SMC2: variants seen among roughly 807,000 people sequenced by gnomAD.
The protein encoded by SMC2 is structural maintenance of chromosomes protein 2.
Under a neutral mutation model 142.6 loss-of-function variants are expected in SMC2, and 41 were observed. That is an observed-to-expected ratio of 0.29 (90% CI 0.22 to 0.37). The LOEUF is 0.37. Among genes scored for constraint, SMC2 ranks in the 10% least tolerant of loss-of-function variants. SMC2 has a pLI of 1.00. For synonymous variants in SMC2, 463 were observed against 457.5 expected (o/e 1.01, Z -0.15); for missense variants, 1,265 against 1,373.7 (o/e 0.92, Z 1.25).
intron 20 of SMC2, among the ~76,000 whole-genome samples, chr9:104,128,360 C>A (rs1368602970): frequency 6.6e-6 from 1 of 152,142 alleles, no homozygotes; most frequent in East Asian, 1.9e-4. Flanking sequence ...TGAAATACTA[C>A]CAATGGCAAT....
intron 3 of SMC2, among the ~76,000 whole-genome samples, chr9:104,096,669 T>G (rs549682105): frequency 3.0e-4 from 45 of 152,364 alleles, no homozygotes; most frequent in African/African-American, 1.1e-3. Context: ...CTATAAGTTT[T>G]GTCAGAGTCT....
Position 104,102,564 on chromosome 9 carries a change from T to C in SMC2, c.1011T>C (p.Asn337=). The C allele has an allele frequency of 6.2e-7, 1 of 1,612,816 alleles. No homozygotes were observed. The highest frequency in any genetic ancestry group is 8.5e-7 in the Non-Finnish European group (1 of 1,179,444). The change falls in exon 9 of 25, where the codon AAT becomes AAC. Residue 337 remains asparagine (N), a synonymous_variant. Transcript: ENST00000374793. ...EESKRKELEK[N]MVEDSKTLAA... ...GCAAACGCAAAGAGCTGGAAAAAAATATGGTTGAGGTAAGTGAGCTTAATG... is the reference window on the plus strand; with the variant it reads ...GCAAACGCAAAGAGCTGGAAAAAAACATGGTTGAGGTAAGTGAGCTTAATG...
At chr9:104,110,733 T>C (rs1832341475) in intron 9 of SMC2, among the ~76,000 whole-genome samples, 1 of 152,208 alleles carries the variant, frequency 6.6e-6, no homozygotes, top group South Asian at 2.1e-4. Flanking sequence ...CCTCAGGGCT[T>C]TCAAGTATAC....
chr9:104,105,309 A>T (rs146959397), intron 9 of SMC2, among the ~76,000 whole-genome samples: 63 of 152,228 alleles, frequency 4.1e-4, no homozygotes, highest in African/African-American at 1.4e-3. Context: ...AGCATGCCCA[A>T]CGTACAGGAT....
chr9:104,132,568 CAT>C (rs1426196482), intron 22 of SMC2, among the ~76,000 whole-genome samples: 2 of 152,122 alleles, frequency 1.3e-5, no homozygotes, highest in Non-Finnish European at 2.9e-5. Context: ...AGATTCCAAA[CAT>C]AGAGTTACTG....
intron 8 of SMC2, 43 bp downstream of exon 8, chr9:104,102,236 A>T (rs965056453): frequency 8.1e-7 from 1 of 1,232,014 alleles, no homozygotes; most frequent in Non-Finnish European, 1.1e-6. Context: ...CTCTGTGAAA[A>T]ACGTACTAAA....
chr9:104,111,604 G>A lies in SMC2; in HGVS notation c.1044G>A (p.Lys348=). The part of the protein sequence containing the change: ...MVEDSKTLAA[K]EKEVKKITDG... ...AGGACTCAAAAACTTTAGCAGCAAA[G>A]GAAAAAGAGGTTAAAAAGATAACAG... Residue 348 remains lysine, a synonymous_variant, in exon 10 of 25, where the codon AAG becomes AAA. Transcript: ENST00000374793. 6.2e-7 allele frequency: 1 copy of A among 1,613,172 alleles called. No individual in the cohort carries two copies. The highest frequency in any genetic ancestry group is 8.5e-7 in the Non-Finnish European group (1 of 1,179,624).
At chr9:104,103,464 T>C (rs1831393354) in intron 9 of SMC2, among the ~76,000 whole-genome samples, 2 of 152,184 alleles carry the variant, frequency 1.3e-5, no homozygotes, top group Non-Finnish European at 2.9e-5. Context: ...ACAGAAAAGA[T>C]CCAGTAGAAA....
At chr9:104,132,188 TA>T (rs1391392073) in intron 22 of SMC2, 63 bp downstream of exon 22, 1 of 841,854 alleles carries the variant, frequency 1.2e-6, no homozygotes, top group African/African-American at 1.7e-5. Context: ...AGTGGAGTTA[TA>T]CTCTATAAGA....
chr9:104,134,458 G>A lies in SMC2; in HGVS notation c.3152G>A (p.Gly1051Asp). 3.1e-6 allele frequency: 5 copies of A among 1,612,066 alleles called. No individual in the cohort carries two copies. Among genetic ancestry groups the A allele is most frequent in the Non-Finnish European group, 4.2e-6 (5 of 1,178,968 alleles). The change falls in exon 23 of 25, where the codon GGT becomes GAT. Residue 1051 changes from glycine (G) to aspartate (D), a missense_variant. Transcript: ENST00000374793. ...FGSIFSTLLP[G>D]ANAMLAPPEG... ...TCTATTTTTTCTACTCTTTTGCCTG[G>A]TGCTAATGCTATGCTTGCACCACCA... is the stretch of plus-strand genomic sequence containing the variant.
In SMC2 at chr9:104,127,446, A is replaced by AACATAAAC. The variant is rs775563952; in HGVS notation, c.2757_2764dup (p.Arg922HisfsTer17). ...AAGGAATTAGACCACAACATCAGCA[A>AACATAAAC]ACATAAACGGGAGGCTGAAGATGGT... On this transcript the variant is annotated frameshift_variant, in exon 20 of 25. Transcript: ENST00000374793. LOFTEE classifies it high-confidence loss of function. 6.2e-7 allele frequency: 1 copy of AACATAAAC among 1,612,040 alleles called. No homozygotes were observed. Among genetic ancestry groups the AACATAAAC allele is most frequent in the South Asian group, 1.1e-5 (1 of 90,826 alleles).
At chr9:104,091,388 C>T (rs1453539622), upstream of SMC2, among the ~76,000 whole-genome samples, 3 of 99,526 alleles carry the variant, frequency 3.0e-5, no homozygotes, top group Admixed American at 1.2e-4. Flanking sequence ...TACAACATCA[C>T]TAAGCAACAG....
chr9:104,095,900 A>T (rs1830400514), intron 2 of SMC2, among the ~76,000 whole-genome samples: 1 of 152,202 alleles, frequency 6.6e-6, no homozygotes, highest in Admixed American at 6.5e-5. Flanking sequence ...TTGCAAAGTA[A>T]CTTTTTATTA....
At position 104,134,987 on chromosome 9, in the gene SMC2, A is replaced by G. The variant is rs1036208521; in HGVS notation, c.3269+412A>G. Among the ~76,000 whole-genome samples, 20 of 152,122 alleles carry G rather than the reference A, an allele frequency of 1.3e-4. 1 individual carries two copies. The highest frequency in any genetic ancestry group is 3.3e-4 in the Admixed American group (5 of 15,254). On this transcript the variant is annotated intron_variant, in intron 23 of 24. Coordinates refer to ENST00000374793, the MANE Select transcript of SMC2 (RefSeq NM_006444.3). The stretch of plus-strand genomic sequence containing the variant: ...CCCTAGAGTGCTGCACCTTGGCATT[A>G]GGTCTCTACTGTCCCTGAAGTGAAG...
intron 8 of SMC2, 41 bp downstream of exon 8, chr9:104,102,234 A>G (rs766801566): frequency 2.4e-6 from 3 of 1,229,124 alleles, no homozygotes; most frequent in Non-Finnish European, 2.3e-6. Flanking sequence ...TACTCTGTGA[A>G]AAACGTACTA....
chr9:104,097,771 C>A (rs1374839268), intron 3 of SMC2, among the ~76,000 whole-genome samples: 1 of 152,148 alleles, frequency 6.6e-6, no homozygotes, highest in Non-Finnish European at 1.5e-5. Flanking sequence ...AATGAACTAA[C>A]ATTTATTCAA....
At chr9:104,094,290 T>C, upstream of SMC2, 1 of 398,450 alleles carries the variant, frequency 2.5e-6, no homozygotes, top group East Asian at 3.6e-5. Context: ...GGTGGGGTCC[T>C]TTGCTCGCGC....
intron 11 of SMC2, 72 bp from the exon 12 acceptor site, chr9:104,113,892 C>T: frequency 1.2e-6 from 1 of 863,372 alleles, no homozygotes; most frequent in Non-Finnish European, 1.8e-6. Context: ...ATAGTGGTTG[C>T]TAATATTTTC....
chr9:104,120,055 A>C lies in SMC2; in HGVS notation c.2025A>C (p.Leu675Phe). ...CTCGATCCCAGGCAGCTTCCATTTT[A>C]ACCAAGTTTCAAGAACTCAAAGATG... The part of the protein sequence containing the change: ...GGARSQAASI[L>F]TKFQELKDVQ... The change falls in exon 16 of 25, where the codon TTA becomes TTC. Residue 675 changes from leucine (L) to phenylalanine (F), a missense_variant. Transcript: ENST00000374793. 2 of 1,613,952 alleles carry C rather than the reference A, an allele frequency of 1.2e-6. No homozygotes were observed. Among genetic ancestry groups the C allele is most frequent in the Non-Finnish European group, 8.5e-7 (1 of 1,179,930 alleles).
Sources: gnomAD v4.1 joint callset for allele counts (sites outside exome capture counted in the v4.1 genomes callset) on GRCh38, gnomAD v4.1.1 for gene constraint, MANE v1.5 for transcripts, NCBI Gene and HGNC (gene_info 2026-07-23, HGNC 2026-07-21) for gene names.